PLEKHA5: variants seen among roughly 807,000 people sequenced by gnomAD.
The protein encoded by PLEKHA5 is pleckstrin homology domain-containing family A member 5.
Under a neutral mutation model 181.9 loss-of-function variants are expected in PLEKHA5, and 55 were observed. That is an observed-to-expected ratio of 0.30 (90% CI 0.24 to 0.38). The LOEUF is 0.38. Among genes scored for constraint, PLEKHA5 ranks in the 10% least tolerant of loss-of-function variants. PLEKHA5 has a pLI of 1.00. For synonymous variants in PLEKHA5, 535 were observed against 529.4 expected (o/e 1.01, Z -0.15); for missense variants, 1,432 against 1,549.5 (o/e 0.92, Z 1.27).
intron 15 of PLEKHA5, chr12:19,303,744 C>T (rs1362763101): frequency 6.6e-6 from 1 of 151,562 alleles, no homozygotes; most frequent in East Asian, 2.0e-4. Flanking sequence ...AAGCACTGCA[C>T]TCAAGCCTGG....
intron 15 of PLEKHA5, chr12:19,306,679 G>A: frequency 6.8e-7 from 1 of 1,473,056 alleles, no homozygotes; most frequent in East Asian, 2.3e-5. Flanking sequence ...CGCTAGCTCT[G>A]AGCAGATGCG....
At chr12:19,319,162 G>A (rs941166516) in intron 16 of PLEKHA5, among the ~76,000 whole-genome samples, 1 of 151,988 alleles carries the variant, frequency 6.6e-6, no homozygotes, top group Admixed American at 6.6e-5. Context: ...ACACACCTGA[G>A]GATACTTATT....
At chr12:19,217,219 C>A (rs754148127) in intron 3 of PLEKHA5, among the ~76,000 whole-genome samples, 1 of 152,178 alleles carries the variant, frequency 6.6e-6, no homozygotes, top group African/African-American at 2.4e-5. Context: ...TCCATAAACA[C>A]CTACTATGTG....
rs78972692 is a variant in PLEKHA5 at position 19,192,866 on chromosome 12, C to T, written c.227+60416C>T. On this transcript the variant is annotated intron_variant, in intron 3 of 31. Coordinates refer to ENST00000429027, the MANE Select transcript of PLEKHA5 (RefSeq NM_001256470.2). Reference sequence around the variant, plus strand: ...AGACATTCTACTTAACTAATACTTTCGATTAGGGGTTAGTAACTGTGGCTG... The same window carrying T: ...AGACATTCTACTTAACTAATACTTTTGATTAGGGGTTAGTAACTGTGGCTG... Among the ~76,000 whole-genome samples the T allele has an allele frequency of 2.1e-3, 314 of 152,210 alleles. 1 individual carries two copies. Among genetic ancestry groups the T allele is most frequent in the African/African-American group, 7.4e-3 (308 of 41,530 alleles).
chr12:19,329,038 T>C (rs1230904420), intron 20 of PLEKHA5, among the ~76,000 whole-genome samples: 2 of 152,220 alleles, frequency 1.3e-5, no homozygotes, highest in African/African-American at 4.8e-5. Flanking sequence ...GTAAGGGTTT[T>C]TATCATGAAG....
chr12:19,344,008 T>C (rs2094140283), intron 22 of PLEKHA5, among the ~76,000 whole-genome samples: 1 of 150,106 alleles, frequency 6.7e-6, no homozygotes, highest in African/African-American at 2.5e-5. Flanking sequence ...GCCAAGATCA[T>C]GCCAGTGTGC....
In PLEKHA5 at chr12:19,306,819, A is replaced by C. The variant is rs902300994; in HGVS notation, c.2038-7995A>C. 4 of 816,100 alleles carry C rather than the reference A, an allele frequency of 4.9e-6. No individual in the cohort carries two copies. In the Admixed American group the frequency reaches 6.8e-5, roughly 14 times the overall value. 50.6% of individuals were successfully genotyped at this position (816,100 alleles called of 1,614,324 possible). A position where few individuals can be genotyped will look rare whatever the true frequency, so the allele number is the denominator to read the frequency against. ...AGCAGTTGTCGCACCATGTCTGACA[A>C]ACACTGTATTCCTTGACAGAGCTTT... is the stretch of plus-strand genomic sequence containing the variant. On this transcript the variant is annotated intron_variant, in intron 15 of 31. Transcript: ENST00000429027.
At chr12:19,373,930 T>A (rs1237460555) in intron 31 of PLEKHA5, among the ~76,000 whole-genome samples, 3 of 109,184 alleles carry the variant, frequency 2.7e-5, no homozygotes, top group Non-Finnish European at 4.8e-5. Context: ...TGTTATAGGA[T>A]TTTATTTTGT....
In PLEKHA5 at chr12:19,159,984, AGAT is replaced by A; in HGVS notation, c.227+27538_227+27540del. ...GACAATTTTGTGGATGGTGGAATTA[AGAT>A]GATCTTGTGGTAGAGCATAGTTGGC... is the stretch of plus-strand genomic sequence containing the variant. On this transcript the variant is annotated intron_variant, in intron 3 of 31. Coordinates refer to ENST00000429027, the MANE Select transcript of PLEKHA5 (RefSeq NM_001256470.2). 2.6e-5 allele frequency among the ~76,000 whole-genome samples: 4 copies of A among 152,216 alleles called. No individual in the cohort carries two copies. In the Middle Eastern group the frequency reaches 0.014, roughly 518 times the overall value.
At chr12:19,315,665 T>G (rs1291244079) in intron 16 of PLEKHA5, among the ~76,000 whole-genome samples, 1 of 152,184 alleles carries the variant, frequency 6.6e-6, no homozygotes, top group African/African-American at 2.4e-5. Context: ...TACTCTGGCG[T>G]ATGACCTTTA....
chr12:19,289,910 GTTTTA>G (rs574816328), intron 13 of PLEKHA5, among the ~76,000 whole-genome samples: 69 of 151,658 alleles, frequency 4.5e-4, no homozygotes, highest in East Asian at 7.7e-4. Context: ...AGATATCCAA[GTTTTA>G]TTTTATTTTA....
At chr12:19,226,895 A>C (rs1311421248) in intron 3 of PLEKHA5, among the ~76,000 whole-genome samples, 1 of 152,180 alleles carries the variant, frequency 6.6e-6, no homozygotes, top group African/African-American at 2.4e-5. Flanking sequence ...TTTAGGAATC[A>C]AAGAGTTATA....
chr12:19,153,010 T>G (rs1174202865), intron 3 of PLEKHA5: 4 of 96,392 alleles, frequency 4.1e-5, no homozygotes, highest in Non-Finnish European at 6.0e-5. Flanking sequence ...GTTTTTTTTT[T>G]TGTTGTTTTT....
intron 3 of PLEKHA5, among the ~76,000 whole-genome samples, chr12:19,133,466 C>T (rs2034627780): frequency 6.6e-6 from 1 of 151,820 alleles, no homozygotes; most frequent in African/African-American, 2.4e-5. Context: ...TGCTGAAATG[C>T]CAAACTGGGT....
intron 8 of PLEKHA5, among the ~76,000 whole-genome samples, chr12:19,269,055 G>T (rs2071589992): frequency 6.6e-6 from 1 of 152,012 alleles, no homozygotes; most frequent in Admixed American, 6.6e-5. Context: ...GTTGCTGGTT[G>T]CTGGGAATAT....
chr12:19,250,472 A>T (rs1221534806), intron 3 of PLEKHA5, among the ~76,000 whole-genome samples: 2 of 152,126 alleles, frequency 1.3e-5, no homozygotes, highest in African/African-American at 4.8e-5. Context: ...AGTCTCAAAT[A>T]CTTGGGAGGC....
intron 3 of PLEKHA5, among the ~76,000 whole-genome samples, chr12:19,196,063 GTTT>G (rs1410312201): frequency 1.3e-5 from 2 of 152,008 alleles, no homozygotes; most frequent in East Asian, 3.9e-4. Flanking sequence ...CAATAGTTAT[GTTT>G]TTTTCCATGA....
intron 3 of PLEKHA5, among the ~76,000 whole-genome samples, chr12:19,135,286 G>A (rs1400685559): frequency 6.6e-6 from 1 of 152,128 alleles, no homozygotes; most frequent in Non-Finnish European, 1.5e-5. Context: ...GTGGTAAGAG[G>A]AGAGGATTGT....
Position 19,347,073 on chromosome 12 carries a change from T to G in PLEKHA5, c.2789T>G (p.Leu930Arg), listed in dbSNP as rs747241890. The change falls in exon 24 of 32, where the codon CTG becomes CGG. Residue 930 changes from leucine (L) to arginine (R), a missense_variant. Physicochemically the swap from Leu to Arg is moderately radical, Grantham distance 102 (BLOSUM62 -2). Coordinates refer to ENST00000429027, the MANE Select transcript of PLEKHA5 (RefSeq NM_001256470.2). Reference protein sequence around the residue: ...FTEQPPIIPPLPSDSSSLLCY... With the variant: ...FTEQPPIIPPRPSDSSSLLCY... ...GAGCAGCCTCCCATAATCCCCCCTCTGCCCAGTGATAGCAGCTCCTTGCTC... is the reference window on the plus strand; with the variant it reads ...GAGCAGCCTCCCATAATCCCCCCTCGGCCCAGTGATAGCAGCTCCTTGCTC... The G allele has an allele frequency of 6.4e-7, 1 of 1,551,410 alleles. No individual in the cohort carries two copies. Among genetic ancestry groups the G allele is most frequent in the South Asian group, 1.2e-5 (1 of 84,022 alleles).
Sources: gnomAD v4.1 joint callset for allele counts (sites outside exome capture counted in the v4.1 genomes callset) on GRCh38, gnomAD v4.1.1 for gene constraint, MANE v1.5 for transcripts, NCBI Gene and HGNC (gene_info 2026-07-23, HGNC 2026-07-21) for gene names.